ALG6: variants seen among roughly 807,000 people sequenced by gnomAD.
ALG6 encodes ALG6 alpha-1,3-glucosyltransferase, also known as dolichyl pyrophosphate Man9GlcNAc2 alpha-1,3-glucosyltransferase.
Under a neutral mutation model 66.6 loss-of-function variants are expected in ALG6, and 46 were observed. That is an observed-to-expected ratio of 0.69 (90% CI 0.55 to 0.88). The LOEUF is 0.88. Ranked by LOEUF, ALG6 falls within the 40% of genes least tolerant of loss-of-function variation. ALG6 has a pLI of 0.00. For synonymous variants in ALG6, 185 were observed against 203.7 expected, an observed-to-expected ratio of 0.91 and a Z score of 0.78; for missense variants, 505 against 586.8, an observed-to-expected ratio of 0.86 and a Z score of 1.44.
intron 2 of ALG6, among the ~76,000 whole-genome samples, chr1:63,375,784 G>A (rs753368883): frequency 1.3e-4 from 20 of 151,846 alleles, no homozygotes; most frequent in Non-Finnish European, 2.6e-4. Flanking sequence ...TTTGTTTATT[G>A]GTTATAGGAC....
intron 3 of ALG6, among the ~76,000 whole-genome samples, chr1:63,400,334 TAC>T (rs1491018537): frequency 5.3e-5 from 1 of 18,956 alleles, no homozygotes; most frequent in Non-Finnish European, 8.6e-5. Context: ...TATATATATA[TAC>T]GTATATATAT....
At chr1:63,426,236 A>C (rs1454327034) in intron 12 of ALG6, among the ~76,000 whole-genome samples, 4 of 152,130 alleles carry the variant, frequency 2.6e-5, no homozygotes, top group Non-Finnish European at 1.5e-5. Context: ...GGAGATTATT[A>C]GGGTGGAGAG....
intron 3 of ALG6, among the ~76,000 whole-genome samples, chr1:63,400,251 ATATG>A (rs1302893142): frequency 9.9e-4 from 7 of 7,038 alleles, no homozygotes; most frequent in Non-Finnish European, 1.2e-3. Context: ...ATACGTATAT[ATATG>A]TATATATATA....
At chr1:63,375,787 T>C (rs958855914) in intron 2 of ALG6, among the ~76,000 whole-genome samples, 9 of 152,180 alleles carry the variant, frequency 5.9e-5, no homozygotes, top group Admixed American at 2.6e-4. Context: ...GTTTATTGGT[T>C]ATAGGACCAT....
intron 2 of ALG6, among the ~76,000 whole-genome samples, chr1:63,381,015 T>C (rs1211818898): frequency 9.2e-5 from 14 of 152,218 alleles, no homozygotes; most frequent in Admixed American, 9.2e-4. Flanking sequence ...AAAGTAAATA[T>C]GCTAAACATT....
At chr1:63,372,269 T>C (rs1013202200) in intron 2 of ALG6, among the ~76,000 whole-genome samples, 3 of 152,076 alleles carry the variant, frequency 2.0e-5, no homozygotes, top group African/African-American at 7.2e-5. Context: ...AAATAACTTA[T>C]GTTAGTGAAA....
chr1:63,436,187 A>G (rs188183564), intron 14 of ALG6, among the ~76,000 whole-genome samples: 65 of 152,268 alleles, frequency 4.3e-4, no homozygotes, highest in Non-Finnish European at 4.0e-4. Flanking sequence ...ATAGATGTAT[A>G]TATTTTGGGG....
intron 3 of ALG6, among the ~76,000 whole-genome samples, chr1:63,398,854 T>C (rs1644427873): frequency 6.6e-6 from 1 of 152,206 alleles, no homozygotes; most frequent in Non-Finnish European, 1.5e-5. Context: ...TTGTAATGAT[T>C]TGTATGATTT....
Position 63,412,012 on chromosome 1 carries a change from C to A in ALG6, c.767C>A (p.Thr256Asn). 1.9e-6 allele frequency: 3 copies of A among 1,614,062 alleles called. No homozygotes were observed. Among genetic ancestry groups the A allele is most frequent in the Non-Finnish European group, 2.5e-6 (3 of 1,179,980 alleles). Residue 256 changes from threonine to asparagine, a missense_variant, in exon 9 of 15, where the codon ACC becomes AAC. By Grantham distance (65) the Thr-to-Asn change is moderately conservative (BLOSUM62 0). Transcript: ENST00000263440. ...WLPFFTEREQ[T>N]LQVLRRLFPV... is the part of the protein sequence containing the mutation. ...CCATTCTTTACAGAAAGGGAACAAA[C>A]CCTGCAGGTTCTAAGAAGACTCTTC...
At chr1:63,384,616 T>G (rs1648441591) in intron 2 of ALG6, among the ~76,000 whole-genome samples, 1 of 152,160 alleles carries the variant, frequency 6.6e-6, no homozygotes, top group African/African-American at 2.4e-5. Flanking sequence ...AGTTTCATAG[T>G]GTGAGGTCGT....
chr1:63,383,948 C>G (rs1238745127), intron 2 of ALG6, among the ~76,000 whole-genome samples: 1 of 152,206 alleles, frequency 6.6e-6, no homozygotes, highest in Non-Finnish European at 1.5e-5. Context: ...TGGCTTGTTT[C>G]ACTTAACATC....
At chr1:63,370,018 A>T (rs1039493094) in intron 1 of ALG6, among the ~76,000 whole-genome samples, 2 of 152,098 alleles carry the variant, frequency 1.3e-5, no homozygotes, top group African/African-American at 4.8e-5. Context: ...GGGTTTCACC[A>T]TGTTGGTCAG....
intron 8 of ALG6, 145 bp from the exon 9 acceptor site, chr1:63,411,781 C>A: frequency 1.8e-6 from 2 of 1,117,708 alleles, no homozygotes; most frequent in South Asian, 1.3e-5. Flanking sequence ...CTGATTTGAG[C>A]ACACTCCCAT....
chr1:63,369,267 T>C (rs1206634530), intron 1 of ALG6, among the ~76,000 whole-genome samples: 3 of 152,226 alleles, frequency 2.0e-5, no homozygotes, highest in Non-Finnish European at 2.9e-5. Flanking sequence ...AGATTTGGCA[T>C]CAATGACAAA....
At chr1:63,382,665 GTTTTTTTTTTTTTGTTTTTT>G (rs1648362059) in intron 2 of ALG6, among the ~76,000 whole-genome samples, 5 of 93,588 alleles carry the variant, frequency 5.3e-5, no homozygotes, top group African/African-American at 2.3e-4. Flanking sequence ...GTTTTTTTTT[GTTTTTTTTTTTTTGTTTTTT>G]TTTTTTTTGA....
intron 7 of ALG6, among the ~76,000 whole-genome samples, chr1:63,410,468 C>T (rs565264523): frequency 1.3e-5 from 2 of 152,228 alleles, no homozygotes; most frequent in Admixed American, 1.3e-4. Context: ...GTTGCTGAGG[C>T]TGGTCTCAAA....
intron 2 of ALG6, among the ~76,000 whole-genome samples, chr1:63,385,292 C>T (rs1391716730): frequency 7.0e-6 from 1 of 143,152 alleles, no homozygotes; most frequent in Non-Finnish European, 1.5e-5. Context: ...CTCTACCTCC[C>T]AGGTTAAAGC....
At chr1:63,383,781 G>C (rs1357893464) in intron 2 of ALG6, among the ~76,000 whole-genome samples, 3 of 151,974 alleles carry the variant, frequency 2.0e-5, no homozygotes, top group East Asian at 3.8e-4. Context: ...TTCATTCCGT[G>C]TAATTATATT....
rs553071466 is a variant in ALG6, at chr1:63,385,853, T to C, written c.83-10660T>C. 3.4e-3 allele frequency among the ~76,000 whole-genome samples: 497 copies of C among 145,000 alleles called. 1 individual carries two copies. The highest frequency in any genetic ancestry group is 5.1e-3 in the Non-Finnish European group (342 of 66,942). ...GCGCTAGCTAAGACTAACAGCACTA[T>C]GTTGAATAACAGTTGTGAAAGTGGG... On this transcript the variant is annotated intron_variant, in intron 2 of 14. Coordinates refer to ENST00000263440, the MANE Select transcript of ALG6 (RefSeq NM_013339.4).
Sources: allele counts gnomAD v4.1 joint callset (sites outside exome capture counted in the v4.1 genomes callset), GRCh38; gene constraint gnomAD v4.1.1; transcripts MANE v1.5; gene names NCBI Gene and HGNC (gene_info 2026-07-23, HGNC 2026-07-21).